SP110: variants seen among roughly 807,000 people sequenced by gnomAD.
SP110 encodes the protein SP110 nuclear body protein.
SP110 carries 62 observed loss-of-function variants against 92.7 expected under a neutral mutation model. The ratio of observed to expected loss-of-function variants is 0.67; its 90% CI spans 0.55 to 0.83. SP110 has a LOEUF of 0.83. Ranked by LOEUF, SP110 falls within the 40% of genes least tolerant of loss-of-function variation. SP110 has a pLI of 0.00. For synonymous variants in SP110, 273 were observed against 305.3 expected (o/e 0.89, Z 1.10); for missense variants, 793 against 863.9 (o/e 0.92, Z 1.03).
At chr2:230,174,709 G>A (rs2041772581) in intron 14 of SP110, among the ~76,000 whole-genome samples, 1 of 152,250 alleles carries the variant, frequency 6.6e-6, no homozygotes, top group Non-Finnish European at 1.5e-5. Flanking sequence ...GGTCATGGAG[G>A]CAGCACGCTG....
At chr2:230,199,693 T>C (rs188307473) in intron 10 of SP110, among the ~76,000 whole-genome samples, 1 of 152,146 alleles carries the variant, frequency 6.6e-6, no homozygotes, top group Non-Finnish European at 1.5e-5. Context: ...AGAGACCAAA[T>C]AGTTTCTTCT....
chr2:230,190,259 G>A (rs1438204080), intron 10 of SP110, among the ~76,000 whole-genome samples: 1 of 152,180 alleles, frequency 6.6e-6, no homozygotes, highest in East Asian at 1.9e-4. Context: ...ACTGGCATGA[G>A]ATGGTCTCTC....
At chr2:230,180,727 A>C (rs931224320) in intron 12 of SP110, among the ~76,000 whole-genome samples, 2 of 152,192 alleles carry the variant, frequency 1.3e-5, no homozygotes, top group Non-Finnish European at 2.9e-5. Context: ...CAACAACAGC[A>C]CAGATACTCT....
chr2:230,213,879 C>T (rs2148932692), intron 3 of SP110: 1 of 152,364 alleles, frequency 6.6e-6, no homozygotes, highest in South Asian at 2.1e-4. Context: ...GACAGTGGGC[C>T]CTCTGTAGCT....
chr2:230,190,218 G>A (rs185808505), intron 10 of SP110, among the ~76,000 whole-genome samples: 3 of 152,132 alleles, frequency 2.0e-5, no homozygotes, highest in African/African-American at 7.2e-5. Flanking sequence ...AGCATCTATT[G>A]TTTTCTGACT....
intron 11 of SP110, among the ~76,000 whole-genome samples, 159 bp downstream of exon 11, chr2:230,185,835 T>A (rs1470904037): frequency 6.6e-6 from 1 of 152,212 alleles, no homozygotes; most frequent in Non-Finnish European, 1.5e-5. Flanking sequence ...CAACAACCAC[T>A]GTCACATCAA....
rs200816727 is a variant in SP110, at chr2:230,211,551, C to T, written c.670G>A (p.Ala224Thr). The part of the protein sequence containing the change: ...PSLLTSTVQV[A>T]SDNLIPQIRD... Reference sequence around the variant, plus strand: ...ATTTGGGGGATCAGGTTGTCACTGGCCACTGAATGGAGGAAGAAAAAGTTT... The same window carrying T: ...ATTTGGGGGATCAGGTTGTCACTGGTCACTGAATGGAGGAAGAAAAAGTTT... The change falls in exon 6 of 19, where the codon GCC becomes ACC. Residue 224 changes from alanine (A) to threonine (T), a missense_variant and splice_region_variant. Ala to Thr is a moderately conservative substitution (Grantham distance 58). Transcript: ENST00000258381. The surrounding 1 kb of genome is among the most constrained non-coding windows in gnomAD (Gnocchi z 4.2). 19 of 1,596,538 alleles carry T rather than the reference C, an allele frequency of 1.2e-5. No individual in the cohort carries two copies. The East Asian group carries it at 1.6e-4, about 13-fold the overall frequency.
At chr2:230,200,793 A>T in intron 10 of SP110, 92 bp downstream of exon 10, 1 of 1,046,108 alleles carries the variant, frequency 9.6e-7, no homozygotes, top group South Asian at 1.3e-5. Flanking sequence ...TAATGAAAAA[A>T]AAAAGTTAAG....
chr2:230,179,441 T>C (rs758890704), intron 12 of SP110, among the ~76,000 whole-genome samples: 82 of 129,672 alleles, frequency 6.3e-4, no homozygotes, highest in Admixed American at 1.8e-3. Context: ...ACTCAGTAAA[T>C]ATGGAACAGC....
At chr2:230,221,304 C>A (rs1463017579), upstream of SP110, among the ~76,000 whole-genome samples, 1 of 150,620 alleles carries the variant, frequency 6.6e-6, no homozygotes, top group Non-Finnish European at 1.5e-5. Context: ...AAAAAGAATT[C>A]TATGTAACTT....
intron 14 of SP110, chr2:230,176,798 T>G (rs756284740): frequency 6.9e-7 from 1 of 1,456,228 alleles, no homozygotes; most frequent in Non-Finnish European, 9.6e-7. Flanking sequence ...CCTTCCCACT[T>G]CCTAGTGAAT....
At chr2:230,190,797 C>G (rs1262240254) in intron 10 of SP110, among the ~76,000 whole-genome samples, 1 of 152,178 alleles carries the variant, frequency 6.6e-6, no homozygotes, top group Non-Finnish European at 1.5e-5. Context: ...TTCCTGGCAC[C>G]ATTTATTAAA....
In SP110 at chr2:230,218,839, A is replaced by G. The variant is rs115954224; in HGVS notation, c.-2+1035T>C. On this transcript the variant is annotated intron_variant, in intron 1 of 18. Coordinates refer to ENST00000258381, the MANE Select transcript of SP110 (RefSeq NM_080424.4). ...CAAAAGACAAACATCCAACTAGAAA[A>G]TAAAAAAGCAAAATACATGAACAGA... 2.8e-3 allele frequency among the ~76,000 whole-genome samples: 426 copies of G among 152,368 alleles called. 2 individuals carry two copies. Among genetic ancestry groups the G allele is most frequent in the African/African-American group, 9.8e-3 (409 of 41,586 alleles).
chr2:230,182,191 C>G (rs1395546886), intron 12 of SP110, among the ~76,000 whole-genome samples: 1 of 151,620 alleles, frequency 6.6e-6, no homozygotes, highest in East Asian at 2.0e-4. Context: ...TTATCCTCAG[C>G]AAACTAATGC....
chr2:230,220,103 A>G (rs2045675415), upstream of SP110: 2 of 984,550 alleles, frequency 2.0e-6, no homozygotes, highest in Admixed American at 6.2e-5. Context: ...CCACCTCCTC[A>G]TGGGCACTTG....
intron 8 of SP110, among the ~76,000 whole-genome samples, chr2:230,205,193 T>G (rs779738348): frequency 7.2e-5 from 11 of 152,256 alleles, no homozygotes; most frequent in Non-Finnish European, 1.6e-4. Flanking sequence ...ATGACTAAGG[T>G]TTTTGCTTGG....
intron 14 of SP110, chr2:230,176,487 T>G: frequency 6.7e-7 from 1 of 1,483,888 alleles, no homozygotes; most frequent in South Asian, 1.4e-5. Context: ...CTTTTTCATT[T>G]AATTTTTATT....
chr2:230,189,723 GTGT>G (rs2042522425), intron 10 of SP110, among the ~76,000 whole-genome samples: 1 of 152,114 alleles, frequency 6.6e-6, no homozygotes, highest in Non-Finnish European at 1.5e-5. Context: ...GCCCTGGTGT[GTGT>G]TGTTCCCCTC....
At chr2:230,206,592 A>ATTTT (rs1185913350) in intron 8 of SP110, among the ~76,000 whole-genome samples, 3 of 62,358 alleles carry the variant, frequency 4.8e-5, no homozygotes, top group Non-Finnish European at 9.0e-5. Context: ...TCTGGTCCAG[A>ATTTT]TTTTATATAT....
Sources: gnomAD v4.1 joint callset for allele counts (sites outside exome capture counted in the v4.1 genomes callset) on GRCh38, gnomAD v4.1.1 for gene constraint, Gnocchi (gnomAD v3.1) non-coding constraint, MANE v1.5 for transcripts, NCBI Gene and HGNC (gene_info 2026-07-23, HGNC 2026-07-21) for gene names.